The following ITGB4 variants were observed in gnomAD, a reference collection of about 807,000 sequenced individuals.
ITGB4 encodes the protein integrin beta-4.
In ITGB4, 159 loss-of-function variants were observed where a neutral mutation model predicts 207.6. The ratio of observed to expected loss-of-function variants is 0.77; its 90% CI spans 0.67 to 0.87. The LOEUF (loss-of-function observed/expected upper bound fraction) is 0.87. Among genes scored for constraint, ITGB4 ranks in the 40% least tolerant of loss-of-function variants. The probability of loss-of-function intolerance (pLI) is 0.00; values close to 1 mark genes in which losing one functional copy is unlikely to be tolerated. For synonymous variants in ITGB4, 1,020 were observed against 1,062.7 expected (o/e 0.96, Z 0.78); for missense variants, 2,278 against 2,546.8 (o/e 0.89, Z 2.27).
intron 34 of ITGB4, chr17:75,755,259 T>A: frequency 6.4e-7 from 1 of 1,574,614 alleles, no homozygotes; most frequent in Non-Finnish European, 8.7e-7. Context: ...TCCTGCTCCA[T>A]CTGTCATCCA....
At position 75,748,821 on chromosome 17, in the gene ITGB4, C is replaced by A; in HGVS notation, c.3112-20C>A. On this transcript the variant is annotated intron_variant, in intron 26 of 39. Coordinates refer to ENST00000200181, the MANE Select transcript of ITGB4 (RefSeq NM_000213.5). ...TCAGCCCCCAGCCATGACCCTGACC[C>A]TGACCCCCTCCACTCCCAGGACTAC... The A allele has an allele frequency of 1.3e-6, 2 of 1,586,694 alleles. No homozygotes were observed. Among genetic ancestry groups the A allele is most frequent in the Non-Finnish European group, 1.7e-6 (2 of 1,165,966 alleles).
chr17:75,731,499 G>A lies in ITGB4; in HGVS notation c.1215+131G>A. 1 of 979,562 alleles carries A rather than the reference G, an allele frequency of 1.0e-6. No individual in the cohort carries two copies. The highest frequency in any genetic ancestry group is 1.5e-6 in the Non-Finnish European group (1 of 661,708). The allele number at this position is 979,562 out of a possible 1,614,324, so 60.7% of individuals were successfully genotyped here. On this transcript the variant is annotated intron_variant, in intron 10 of 39. Coordinates refer to ENST00000200181, the MANE Select transcript of ITGB4 (RefSeq NM_000213.5). This position sits in a 1 kb window ranked among gnomAD's most constrained non-coding sequence, Gnocchi z 6.8. ...GCCTGGGTGCAGATCCCTGGGCCTA[G>A]CCGCTCGGATGAGCCTAGGTTGCTC... is the stretch of plus-strand genomic sequence containing the variant.
Position 75,728,962 on chromosome 17 carries a change from C to A in ITGB4, c.567-303C>A, listed in dbSNP as rs183567757. On this transcript the variant is annotated intron_variant, in intron 6 of 39. Transcript: ENST00000200181. Reference sequence around the variant, plus strand: ...TTGCGCCACTGCACTCCAGCCTGGGCGACAGAATGAGACTCTGTCTCAACA... The same window carrying A: ...TTGCGCCACTGCACTCCAGCCTGGGAGACAGAATGAGACTCTGTCTCAACA... 1.1e-3 allele frequency among the ~76,000 whole-genome samples: 151 copies of A among 134,140 alleles called. 1 individual carries two copies. In the East Asian group the frequency reaches 0.023, roughly 21 times the overall value. The allele number at this position is 134,140 out of a possible 152,430, so 88.0% of individuals were successfully genotyped here.
rs2061515541 is a variant in ITGB4 at position 75,756,737 on chromosome 17, C to T, written c.4931C>T (p.Pro1644Leu). ...SAFTLSTPSA[P>L]GPLVFTALSP... ...TTCACTTTGAGCACTCCCAGTGCCC[C>T]AGGCCCGCTGGTGTTCACTGCCCTG... is the stretch of plus-strand genomic sequence containing the variant. Residue 1644 changes from proline to leucine, a missense_variant, in exon 37 of 40, where the codon CCA (proline) becomes CTA (leucine). Physicochemically the swap from Pro to Leu is moderately conservative, Grantham distance 98. Coordinates refer to ENST00000200181, the MANE Select transcript of ITGB4 (RefSeq NM_000213.5). The T allele has an allele frequency of 1.2e-6, 2 of 1,613,202 alleles. No individual in the cohort carries two copies. Among genetic ancestry groups the T allele is most frequent in the South Asian group, 1.1e-5 (1 of 91,076 alleles).
chr17:75,729,237 ACTCT>A lies in ITGB4; in HGVS notation c.567-22_567-19del, dbSNP rs541527260. ...GTCTGCGGCGTCTTCCCCCTGTGAC[ACTCT>A]CTCTCCCTCCCACCTCTGCCCAGGC... On this transcript the variant is annotated intron_variant, in intron 6 of 39. Transcript: ENST00000200181. The surrounding 1 kb of genome is among the most constrained non-coding windows in gnomAD (Gnocchi z 4.4). The A allele has an allele frequency of 0.01, 16,393 of 1,607,850 alleles. 110 individuals are homozygous for A. The highest frequency in any genetic ancestry group is 0.017 in the Middle Eastern group (100 of 6,048).
At chr17:75,748,723 C>G (rs1473369061) in intron 26 of ITGB4, 118 bp from the exon 27 acceptor site, 4 of 728,816 alleles carry the variant, frequency 5.5e-6, no homozygotes, top group South Asian at 5.2e-5. Flanking sequence ...TGTAAGTACT[C>G]CACCCAGCAA....
chr17:75,733,254 C>T lies in ITGB4; in HGVS notation c.1455-236C>T, dbSNP rs191870179. Among the ~76,000 whole-genome samples, 530 of 149,504 alleles carry T rather than the reference C, an allele frequency of 3.5e-3. 4 individuals are homozygous for T. The highest frequency in any genetic ancestry group is 0.012 in the African/African-American group (504 of 40,382). On this transcript the variant is annotated intron_variant, in intron 12 of 39. Transcript: ENST00000200181. ...ACAAAAAATTAGCCGGGCGTAGTGG[C>T]GGGTGCCTGTAGTCCCAGCTACTCA...
chr17:75,752,443 C>CA lies in ITGB4; in HGVS notation c.3977-2dup. 1 of 1,613,340 alleles carries CA rather than the reference C, an allele frequency of 6.2e-7. No individual in the cohort carries two copies. Among genetic ancestry groups the CA allele is most frequent in the Non-Finnish European group, 8.5e-7 (1 of 1,179,960 alleles). On this transcript the variant is annotated splice_polypyrimidine_tract_variant and splice_region_variant and intron_variant, in intron 31 of 39. Transcript: ENST00000200181. ...GGCCCTGGCTCACTCCCCTGCCCTGCAGTCCCCATCATCCCTGACATCCCT... is the reference window on the plus strand; with the variant it reads ...GGCCCTGGCTCACTCCCCTGCCCTGCAAGTCCCCATCATCCCTGACATCCCT...
At position 75,752,474 on chromosome 17, in the gene ITGB4, G is replaced by A. The variant is rs2061390903; in HGVS notation, c.4005G>A (p.Val1335=). The A allele has an allele frequency of 6.2e-7, 1 of 1,613,620 alleles. No individual in the cohort carries two copies. Among genetic ancestry groups the A allele is most frequent in the Non-Finnish European group, 8.5e-7 (1 of 1,180,022 alleles). ...CCATCATCCCTGACATCCCTATCGT[G>A]GACGCCCAGAGCGGGGAGGACTACG... ...SIPIIPDIPI[V]DAQSGEDYDS... Residue 1335 remains valine (V), a synonymous_variant, in exon 32 of 40, where the codon GTG becomes GTA. Coordinates refer to ENST00000200181, the MANE Select transcript of ITGB4 (RefSeq NM_000213.5).
In ITGB4 at chr17:75,742,292, G is replaced by C; in HGVS notation, c.2634-49G>C. The C allele has an allele frequency of 6.2e-7, 1 of 1,611,246 alleles. No individual in the cohort carries two copies. Among genetic ancestry groups the C allele is most frequent in the Non-Finnish European group, 8.5e-7 (1 of 1,178,818 alleles). On this transcript the variant is annotated intron_variant, in intron 23 of 39. Transcript: ENST00000200181. The surrounding 1 kb of genome is among the most constrained non-coding windows in gnomAD (Gnocchi z 5.9). ...GACAGGCAGGAGGGACAGGGCAGCA[G>C]GTGCCAGCCTGACCCCTCCGCTGCC... is the stretch of plus-strand genomic sequence containing the variant.
chr17:75,724,052 G>A (rs2060668321), intron 1 of ITGB4, among the ~76,000 whole-genome samples: 1 of 152,232 alleles, frequency 6.6e-6, no homozygotes, highest in South Asian at 2.1e-4. Context: ...GAACAGCTCA[G>A]GGGCCCAGAA....
At position 75,737,355 on chromosome 17, in the gene ITGB4, A is replaced by G. The variant is rs2148502960; in HGVS notation, c.2024A>G (p.Asp675Gly). The G allele has an allele frequency of 6.3e-7, 1 of 1,589,734 alleles. No individual in the cohort carries two copies. The highest frequency in any genetic ancestry group is 1.1e-5 in the South Asian group (1 of 87,214). The change falls in exon 17 of 40, where the codon GAC becomes GGC. Residue 675 changes from aspartate to glycine, a missense_variant. Transcript: ENST00000200181. Reference protein sequence around the residue: ...EEVVVRCSFRDEDDDCTYSYT... With the variant: ...EEVVVRCSFRGEDDDCTYSYT... ...GTGGTGGTGCGCTGCTCCTTCCGGG[A>G]CGAGGATGACGACTGCACCTACAGC...
At chr17:75,738,485 T>C (rs1226471246) in intron 18 of ITGB4, among the ~76,000 whole-genome samples, 1 of 152,142 alleles carries the variant, frequency 6.6e-6, no homozygotes, top group East Asian at 1.9e-4. Context: ...AGGTGATAAA[T>C]GCACAGTCCT....
chr17:75,740,363 T>C lies in ITGB4; in HGVS notation c.2452T>C (p.Tyr818His). ...CTCCCACCGCCTTTCCTTAGTGCCC[T>C]ACGGGCTGTCCTTGCGCCTGGCCCG... ...ASINPTELVPYGLSLRLARLC... is the reference protein window; with the variant it reads ...ASINPTELVPHGLSLRLARLC... The change falls in exon 21 of 40, where the codon TAC (tyrosine) becomes CAC (histidine). Residue 818 changes from tyrosine to histidine, a missense_variant. By Grantham distance (83) the Tyr-to-His change is moderately conservative. Coordinates refer to ENST00000200181, the MANE Select transcript of ITGB4 (RefSeq NM_000213.5). This position sits in a 1 kb window ranked among gnomAD's most constrained non-coding sequence, Gnocchi z 5.9. The C allele has an allele frequency of 6.2e-7, 1 of 1,613,210 alleles. No homozygotes were observed.
At chr17:75,749,370 A>G (rs2061312572) in intron 27 of ITGB4, among the ~76,000 whole-genome samples, 1 of 151,988 alleles carries the variant, frequency 6.6e-6, no homozygotes, top group South Asian at 2.1e-4. Flanking sequence ...TCTACAAAAA[A>G]TAAACAAATT....
rs1258497814 is a variant in ITGB4 at position 75,743,640 on chromosome 17, G to T, written c.2963-73G>T. The T allele has an allele frequency of 7.5e-6, 12 of 1,604,522 alleles. No individual in the cohort carries two copies. The East Asian group carries it at 2.5e-4, about 33-fold the overall frequency. On this transcript the variant is annotated intron_variant, in intron 25 of 39. Coordinates refer to ENST00000200181, the MANE Select transcript of ITGB4 (RefSeq NM_000213.5). ...CCTGGATTCTGGGCTGGGCTGGGCA[G>T]GGTCACAGGAGAGCAGGAGGTGGGA... is the stretch of plus-strand genomic sequence containing the variant.
chr17:75,736,597 C>G lies in ITGB4; in HGVS notation c.1893C>G (p.Ser631=), dbSNP rs61735295. The G allele has an allele frequency of 1.1e-3, 1,722 of 1,602,796 alleles. 21 individuals carry two copies. In the African/African-American group the frequency reaches 0.021, roughly 20 times the overall value. ...CGGGCCTCTGCGAGGACCTACGCTC[C>G]TGCGTGCAGTGCCAGGCGTGGGGCA... ...IHPGLCEDLR[S]CVQCQAWGTG... Residue 631 remains serine (S), a synonymous_variant, in exon 16 of 40, where the codon TCC becomes TCG. Transcript: ENST00000200181.
rs748480506 is a variant in ITGB4 at position 75,742,613 on chromosome 17, C to T, written c.2814C>T (p.Gly938=). The T allele has an allele frequency of 2.3e-5, 37 of 1,613,878 alleles. No individual in the cohort carries two copies. In the South Asian group the frequency reaches 3.0e-4, roughly 13 times the overall value. Residue 938 remains glycine (G), a synonymous_variant, in exon 25 of 40, where the codon GGC becomes GGT. Coordinates refer to ENST00000200181, the MANE Select transcript of ITGB4 (RefSeq NM_000213.5). This position sits in a 1 kb window ranked among gnomAD's most constrained non-coding sequence, Gnocchi z 5.9. ...DARGMVEFQE[G]VELVDVRVPL... is the part of the protein sequence containing the mutation. ...GGGGCATGGTGGAGTTCCAGGAGGG[C>T]GTGGAGCTGGTGGACGTACGGGTGC...
In ITGB4 at chr17:75,730,893, CCT is replaced by C; in HGVS notation, c.1022_1023del (p.Pro341ArgfsTer75). 6.2e-7 allele frequency: 1 copy of C among 1,613,596 alleles called. No individual in the cohort carries two copies. Among genetic ancestry groups the C allele is most frequent in the Non-Finnish European group, 8.5e-7 (1 of 1,179,900 alleles). On this transcript the variant is annotated frameshift_variant, in exon 9 of 40. Transcript: ENST00000200181. LOFTEE classifies it high-confidence loss of function. ...CCCGCAGAAGCTTCACACCTATTTCCCTGTCTCCTCACTGGGGGTGCTGCAGG... is the reference window on the plus strand; with the variant it reads ...CCCGCAGAAGCTTCACACCTATTTCCGTCTCCTCACTGGGGGTGCTGCAGG... ...SYYEKLHTYFPVSSLGVLQED... is the reference protein window; with the variant it reads ...SYYEKLHTYFXVSSLGVLQED...
Sources: allele counts gnomAD v4.1 joint callset (sites outside exome capture counted in the v4.1 genomes callset), GRCh38; gene constraint gnomAD v4.1.1; non-coding constraint Gnocchi (gnomAD v3.1); transcripts MANE v1.5; gene names NCBI Gene and HGNC (gene_info 2026-07-23, HGNC 2026-07-21).